MRTFB: variants seen among roughly 807,000 people sequenced by gnomAD.
The protein encoded by MRTFB is myocardin related transcription factor B.
In MRTFB, 29 loss-of-function variants were observed where a neutral mutation model predicts 104.2. That is an observed-to-expected ratio of 0.28 (90% confidence interval 0.21 to 0.38). The LOEUF is 0.38. MRTFB is among the 10% of genes least tolerant of loss of function. MRTFB has a pLI of 1.00. For synonymous variants in MRTFB, 535 were observed against 519.5 expected, an observed-to-expected ratio of 1.03 and a Z score of -0.41; for missense variants, 1,270 against 1,341.6, an observed-to-expected ratio of 0.95 and a Z score of 0.83.
intron 3 of MRTFB, among the ~76,000 whole-genome samples, chr16:14,168,820 T>A (rs1042923118): frequency 6.6e-6 from 1 of 152,206 alleles, no homozygotes; most frequent in African/African-American, 2.4e-5. Context: ...CTCCCATAAA[T>A]GTATGAGAGT....
chr16:14,170,192 C>T (rs1339118796), intron 3 of MRTFB: 2 of 152,408 alleles, frequency 1.3e-5, no homozygotes, highest in African/African-American at 2.4e-5. Context: ...CATGATGGCT[C>T]ACACCTGTAA....
chr16:14,101,250 C>A lies in MRTFB; in HGVS notation c.-64+21896C>A, dbSNP rs1314863325. 2.0e-5 allele frequency among the ~76,000 whole-genome samples: 3 copies of A among 151,026 alleles called. No homozygotes were observed. The East Asian group carries it at 5.9e-4, about 30-fold the overall frequency. ...ATATTGAGGCTCAGAGAAGTTAAGA[C>A]ACAAAGTTAAGATATATAGCCTATG... On this transcript the variant is annotated intron_variant, in intron 2 of 16. Coordinates refer to ENST00000571589, the MANE Select transcript of MRTFB (RefSeq NM_001308142.2).
intron 1 of MRTFB, among the ~76,000 whole-genome samples, chr16:14,072,256 T>C (rs1389010362): frequency 6.6e-6 from 1 of 151,846 alleles, no homozygotes; most frequent in African/African-American, 2.4e-5. Context: ...TGAAATGAAA[T>C]TCATAAACAA....
At chr16:14,238,491 G>A (rs1363403664) in intron 9 of MRTFB, among the ~76,000 whole-genome samples, 11 of 152,140 alleles carry the variant, frequency 7.2e-5, no homozygotes, top group African/African-American at 2.7e-4. Flanking sequence ...AATACGTGGT[G>A]GGTATCAGAG....
intron 2 of MRTFB, among the ~76,000 whole-genome samples, chr16:14,087,453 T>C (rs2034787662): frequency 6.6e-6 from 1 of 152,196 alleles, no homozygotes; most frequent in East Asian, 1.9e-4. Flanking sequence ...CTGCAGAGTC[T>C]AGGCTACTCT....
At position 14,256,830 on chromosome 16, in the gene MRTFB, C is replaced by A. The variant is rs1396668360; in HGVS notation, c.2704-1271C>A. Among the ~76,000 whole-genome samples, 6 of 152,312 alleles carry A rather than the reference C, an allele frequency of 3.9e-5. No individual in the cohort carries two copies. The East Asian group carries it at 1.2e-3, about 29-fold the overall frequency. On this transcript the variant is annotated intron_variant, in intron 15 of 16. Transcript: ENST00000571589. ...AATAGGTAACTAATGCATGTATCTA[C>A]AAGAGGCATACTTTAAATACAAAGA...
the MRTFB span, among the ~76,000 whole-genome samples, chr16:14,003,925 T>A: frequency 6.6e-6 from 1 of 152,102 alleles, no homozygotes; most frequent in Non-Finnish European, 1.5e-5. Context: ...ACTTCCAGAT[T>A]TTTAAAAATC....
At chr16:14,097,551 AACTGTTCT>A (rs1182974878) in intron 2 of MRTFB, among the ~76,000 whole-genome samples, 2 of 152,238 alleles carry the variant, frequency 1.3e-5, no homozygotes, top group African/African-American at 2.4e-5. Flanking sequence ...ATAAAATGTA[AACTGTTCT>A]TTTTGTAAAC....
the MRTFB span, among the ~76,000 whole-genome samples, chr16:14,055,733 G>A: frequency 2.0e-5 from 3 of 152,060 alleles, no homozygotes; most frequent in Admixed American, 2.0e-4. Context: ...TACTAGGGAT[G>A]TTAACTTCAA....
intron 3 of MRTFB, among the ~76,000 whole-genome samples, chr16:14,150,520 AAAGT>A (rs1567388175): frequency 2.6e-5 from 4 of 152,188 alleles, no homozygotes; most frequent in African/African-American, 9.7e-5. Flanking sequence ...TTCTTACAAT[AAAGT>A]AAGCTGGAGA....
the MRTFB span, among the ~76,000 whole-genome samples, chr16:14,047,383 C>A: frequency 6.6e-6 from 1 of 152,298 alleles, no homozygotes; most frequent in African/African-American, 2.4e-5. Context: ...AAGGGGCAGT[C>A]CCTGTAACAG....
At chr16:14,006,780 C>A in the MRTFB span, among the ~76,000 whole-genome samples, 1 of 151,680 alleles carries the variant, frequency 6.6e-6, no homozygotes, top group African/African-American at 2.4e-5. Context: ...ATTTGGAAGG[C>A]CAAGGCAAGA....
At chr16:14,232,859 C>T (rs2042326604) in intron 8 of MRTFB, among the ~76,000 whole-genome samples, 1 of 152,156 alleles carries the variant, frequency 6.6e-6, no homozygotes, top group Non-Finnish European at 1.5e-5. Context: ...AGGAAAAATA[C>T]AGTTTGCTAT....
intron 3 of MRTFB, among the ~76,000 whole-genome samples, chr16:14,156,811 C>T (rs1461036045): frequency 6.6e-6 from 1 of 152,166 alleles, no homozygotes; most frequent in African/African-American, 2.4e-5. Context: ...AAAGAGACAA[C>T]TAAAGACTGT....
intron 3 of MRTFB, among the ~76,000 whole-genome samples, chr16:14,158,973 T>TAA (rs397854767): frequency 2.6e-4 from 31 of 119,924 alleles, no homozygotes; most frequent in East Asian, 4.7e-4. Flanking sequence ...TCATAAAGAT[T>TAA]AAAAAAAAAA....
rs577981492 is a variant in MRTFB, at chr16:14,241,279, G to A, written c.1079+795G>A. On this transcript the variant is annotated intron_variant, in intron 10 of 16. Transcript: ENST00000571589. Reference sequence around the variant, plus strand: ...GAAGACAGTTAAAGGCCTTGGTGACGAACAACTGCGGAGAAGGAAGGTGTT... The same window carrying A: ...GAAGACAGTTAAAGGCCTTGGTGACAAACAACTGCGGAGAAGGAAGGTGTT... The A allele has an allele frequency of 2.6e-5, 4 of 153,484 alleles. No individual in the cohort carries two copies. In the South Asian group the frequency reaches 8.3e-4, roughly 32 times the overall value. 9.5% of individuals were successfully genotyped at this position (153,484 alleles called of 1,614,324 possible). A position where few individuals can be genotyped will look rare whatever the true frequency, so the allele number is the denominator to read the frequency against.
chr16:14,028,235 A>G, the MRTFB span, among the ~76,000 whole-genome samples: 1 of 152,164 alleles, frequency 6.6e-6, no homozygotes, highest in Non-Finnish European at 1.5e-5. Flanking sequence ...AAACCAAGTA[A>G]CTGTGAAATA....
chr16:14,195,713 A>C, intron 3 of MRTFB: 1 of 277,064 alleles, frequency 3.6e-6, no homozygotes, highest in Middle Eastern at 1.7e-3. Flanking sequence ...ACATTTTTCC[A>C]TTATAGAGGG....
chr16:14,252,111 A>C, intron 14 of MRTFB, 88 bp downstream of exon 14: 1 of 1,411,012 alleles, frequency 7.1e-7, no homozygotes, highest in Non-Finnish European at 9.7e-7. Context: ...TGGAGTGACT[A>C]ATGTTAATGG....
Sources: gnomAD v4.1 joint callset for allele counts (sites outside exome capture counted in the v4.1 genomes callset) on GRCh38, gnomAD v4.1.1 for gene constraint, MANE v1.5 for transcripts, NCBI Gene and HGNC (gene_info 2026-07-23, HGNC 2026-07-21) for gene names.